CTNNA2: variants seen among roughly 807,000 people sequenced by gnomAD.
The protein encoded by CTNNA2 is catenin alpha-2.
CTNNA2 carries 42 observed loss-of-function variants against 101.0 expected under a neutral mutation model. The observed-to-expected ratio is 0.42, with a 90% confidence interval of 0.32 to 0.54. The LOEUF is 0.54. Ranked by LOEUF, CTNNA2 falls within the 20% of genes least tolerant of loss-of-function variation. The pLI, the probability that CTNNA2 is intolerant of heterozygous loss-of-function variation, is 0.14. For synonymous variants in CTNNA2, 450 were observed against 456.4 expected (o/e 0.99, Z 0.18); for missense variants, 871 against 1,223.1 (o/e 0.71, Z 4.29).
chr2:79,496,995 A>G (rs1671263113), intron 4 of CTNNA2, among the ~76,000 whole-genome samples: 1 of 152,222 alleles, frequency 6.6e-6, no homozygotes, highest in Non-Finnish European at 1.5e-5. Flanking sequence ...CACAGCATAC[A>G]GATACTTTTT....
chr2:80,324,283 T>C (rs573680657), intron 7 of CTNNA2, among the ~76,000 whole-genome samples: 20 of 152,278 alleles, frequency 1.3e-4, no homozygotes, highest in African/African-American at 4.8e-4. Context: ...TGGATCCTCG[T>C]GGGCCGCTGC....
At chr2:80,203,875 T>G (rs1573381723) in intron 7 of CTNNA2, among the ~76,000 whole-genome samples, 1 of 152,194 alleles carries the variant, frequency 6.6e-6, no homozygotes, top group Non-Finnish European at 1.5e-5. Flanking sequence ...CATCCAGGCA[T>G]TTTCATACAT....
chr2:80,170,551 A>G (rs1052250520), intron 7 of CTNNA2, among the ~76,000 whole-genome samples: 2 of 152,274 alleles, frequency 1.3e-5, no homozygotes, highest in Admixed American at 6.5e-5. Flanking sequence ...ATGACCTATT[A>G]CAACCTATTG....
chr2:80,573,531 C>T (rs754150163), intron 12 of CTNNA2, among the ~76,000 whole-genome samples: 1 of 152,088 alleles, frequency 6.6e-6, no homozygotes, highest in East Asian at 1.9e-4. Flanking sequence ...TCTTCCCTTG[C>T]TCCACCCTCC....
intron 1 of CTNNA2, among the ~76,000 whole-genome samples, chr2:79,540,506 A>C (rs1673340937): frequency 6.6e-6 from 1 of 152,010 alleles, no homozygotes; most frequent in Non-Finnish European, 1.5e-5. Flanking sequence ...CTTCCTTTAA[A>C]TCTCCCCACC....
At chr2:80,308,582 G>A (rs1192997773) in intron 7 of CTNNA2, among the ~76,000 whole-genome samples, 1 of 152,066 alleles carries the variant, frequency 6.6e-6, no homozygotes, top group Non-Finnish European at 1.5e-5. Flanking sequence ...GAGGGTGGGG[G>A]CCCCAAGGCT....
intron 3 of CTNNA2, among the ~76,000 whole-genome samples, chr2:79,810,649 G>GTA (rs1332229576): frequency 1.3e-5 from 2 of 151,250 alleles, no homozygotes; most frequent in Non-Finnish European, 2.9e-5. Context: ...TTAGCATTAG[G>GTA]TATATCTCCT....
At chr2:79,695,878 G>A (rs907936399) in intron 2 of CTNNA2, among the ~76,000 whole-genome samples, 2 of 151,968 alleles carry the variant, frequency 1.3e-5, no homozygotes, top group African/African-American at 2.4e-5. Flanking sequence ...CAGTTGGTTT[G>A]GGGGCTTAGG....
At chr2:79,911,759 C>T (rs1685816129) in intron 7 of CTNNA2, among the ~76,000 whole-genome samples, 1 of 152,154 alleles carries the variant, frequency 6.6e-6, no homozygotes, top group Non-Finnish European at 1.5e-5. Flanking sequence ...TGATCAAAGC[C>T]TGAAATAAAA....
intron 7 of CTNNA2, among the ~76,000 whole-genome samples, chr2:80,284,696 C>T (rs1412530654): frequency 1.3e-5 from 2 of 152,056 alleles, no homozygotes; most frequent in Non-Finnish European, 2.9e-5. Flanking sequence ...GAACCTGTTC[C>T]CAGGGAAATG....
chr2:79,911,137 G>A (rs942788261), intron 7 of CTNNA2, among the ~76,000 whole-genome samples: 8 of 152,144 alleles, frequency 5.3e-5, no homozygotes, highest in East Asian at 1.9e-4. Context: ...TATTACGTAG[G>A]GTGCAGCTAG....
intron 7 of CTNNA2, among the ~76,000 whole-genome samples, chr2:79,914,707 A>C (rs1479786466): frequency 6.6e-5 from 10 of 152,212 alleles, no homozygotes; most frequent in Non-Finnish European, 1.2e-4. Context: ...CTGCTGTAAA[A>C]TATGGTGAGA....
chr2:80,225,494 G>A (rs1447520054), intron 7 of CTNNA2, among the ~76,000 whole-genome samples: 1 of 152,072 alleles, frequency 6.6e-6, no homozygotes. Context: ...TATGGTAAGT[G>A]GTTTAAGAAA....
chr2:79,245,799 T>C (rs1398109587), intron 2 of CTNNA2, among the ~76,000 whole-genome samples: 1 of 152,164 alleles, frequency 6.6e-6, no homozygotes, highest in Non-Finnish European at 1.5e-5. Flanking sequence ...CAAATGTCTT[T>C]CCTAATGTTT....
At chr2:79,965,859 GAAAGA>G (rs371915632) in intron 7 of CTNNA2, among the ~76,000 whole-genome samples, 2,065 of 136,704 alleles carry the variant, frequency 0.015, 57 homozygotes, top group African/African-American at 0.052. Context: ...AAGAAGAAAA[GAAAGA>G]AAAGAAAAGA....
intron 5 of CTNNA2, among the ~76,000 whole-genome samples, chr2:79,506,931 A>C (rs539684742): frequency 6.6e-6 from 1 of 152,238 alleles, no homozygotes; most frequent in Non-Finnish European, 1.5e-5. Context: ...CAATTAATTT[A>C]TTTCTTTCCC....
At chr2:79,653,409 C>A (rs1320007303) in intron 2 of CTNNA2, among the ~76,000 whole-genome samples, 1 of 152,096 alleles carries the variant, frequency 6.6e-6, no homozygotes, top group Admixed American at 6.6e-5. Context: ...TTTTACTATG[C>A]ACATCTCCAG....
intron 1 of CTNNA2, among the ~76,000 whole-genome samples, chr2:79,592,364 T>C (rs553633976): frequency 6.6e-6 from 1 of 152,134 alleles, no homozygotes; most frequent in African/African-American, 2.4e-5. Flanking sequence ...ACTCCTGACC[T>C]CAGGTGATCC....
chr2:79,686,511 C>T (rs1298274017), intron 2 of CTNNA2, among the ~76,000 whole-genome samples: 1 of 152,114 alleles, frequency 6.6e-6, no homozygotes, highest in Non-Finnish European at 1.5e-5. Flanking sequence ...ATTTCGTACT[C>T]ATTGATTGAA....
Sources: gnomAD v4.1 joint callset for allele counts (sites outside exome capture counted in the v4.1 genomes callset) on GRCh38, gnomAD v4.1.1 for gene constraint, MANE v1.5 for transcripts, NCBI Gene and HGNC (gene_info 2026-07-23, HGNC 2026-07-21) for gene names.